TRIM2: variants seen among roughly 807,000 people sequenced by gnomAD.
The protein encoded by TRIM2 is tripartite motif containing 2.
Under a neutral mutation model 75.2 loss-of-function variants are expected in TRIM2, and 20 were observed. The ratio of observed to expected loss-of-function variants is 0.27; its 90% CI spans 0.19 to 0.39. The LOEUF is 0.39. TRIM2 is among the 10% of genes least tolerant of loss of function. The pLI is 1.00. For synonymous variants in TRIM2, 373 were observed against 388.3 expected, an observed-to-expected ratio of 0.96 and a Z score of 0.46; for missense variants, 660 against 990.8, an observed-to-expected ratio of 0.67 and a Z score of 4.48.
At chr4:153,238,946 C>T (rs1327803562) in intron 1 of TRIM2, among the ~76,000 whole-genome samples, 1 of 152,186 alleles carries the variant, frequency 6.6e-6, no homozygotes, top group East Asian at 1.9e-4. Context: ...CTTAACCCCA[C>T]TGTGACGGTA....
rs1646589199 is a variant in TRIM2 at position 153,338,978 on chromosome 4, T to G, written c.*4012T>G. On this transcript the variant is annotated 3_prime_UTR_variant, in exon 12 of 12. Transcript: ENST00000338700. Reference sequence around the variant, plus strand: ...GTTTTTTTTTTTTGCTTTGTTTTCTTTTTAGATTTTGTACATTCCATCTTT... The same window carrying G: ...GTTTTTTTTTTTTGCTTTGTTTTCTGTTTAGATTTTGTACATTCCATCTTT... 1 of 985,498 alleles carries G rather than the reference T, an allele frequency of 1.0e-6. No homozygotes were observed. The highest frequency in any genetic ancestry group is 1.7e-5 in the African/African-American group (1 of 57,210). The allele number at this position is 985,498 out of a possible 1,614,324, so 61.0% of individuals were successfully genotyped here. A position where few individuals can be genotyped will look rare whatever the true frequency, so the allele number is the denominator to read the frequency against.
At chr4:153,263,946 T>TG (rs1754263339) in intron 1 of TRIM2, among the ~76,000 whole-genome samples, 1 of 152,184 alleles carries the variant, frequency 6.6e-6, no homozygotes, top group South Asian at 2.1e-4. Flanking sequence ...CCTCACCTCC[T>TG]GATCCCATCA....
intron 11 of TRIM2, among the ~76,000 whole-genome samples, chr4:153,333,923 TC>T (rs1772040474): frequency 1.3e-5 from 2 of 152,272 alleles, no homozygotes; most frequent in South Asian, 4.1e-4. Context: ...GGTATCAGTC[TC>T]CTGGGATACC....
chr4:153,298,691 C>T (rs1402492151), intron 6 of TRIM2, among the ~76,000 whole-genome samples: 3 of 152,108 alleles, frequency 2.0e-5, no homozygotes, highest in Non-Finnish European at 4.4e-5. Context: ...ATAGAGAACA[C>T]TTACAATCCA....
At chr4:153,313,924 A>C (rs531787657) in intron 6 of TRIM2, among the ~76,000 whole-genome samples, 32 of 152,252 alleles carry the variant, frequency 2.1e-4, no homozygotes, top group South Asian at 1.5e-3. Flanking sequence ...GGCATGAGCC[A>C]CTGTTCCCGG....
intron 1 of TRIM2, among the ~76,000 whole-genome samples, chr4:153,247,164 A>G (rs890482735): frequency 4.6e-5 from 7 of 152,200 alleles, no homozygotes; most frequent in African/African-American, 1.7e-4. Flanking sequence ...TGACCAGCAC[A>G]AAAGTCCAGG....
At chr4:153,274,798 TTC>T (rs1188331278) in intron 2 of TRIM2, among the ~76,000 whole-genome samples, 2 of 152,188 alleles carry the variant, frequency 1.3e-5, no homozygotes, top group African/African-American at 4.8e-5. Flanking sequence ...TTAATGATAC[TTC>T]CCAGAAGTCT....
intron 1 of TRIM2, among the ~76,000 whole-genome samples, chr4:153,175,854 G>A (rs1290997941): frequency 2.0e-5 from 3 of 152,114 alleles, no homozygotes; most frequent in Non-Finnish European, 4.4e-5. Flanking sequence ...GGTTATGTGG[G>A]AACTCTTAGG....
At chr4:153,175,158 A>G (rs1731290165) in intron 1 of TRIM2, among the ~76,000 whole-genome samples, 1 of 152,178 alleles carries the variant, frequency 6.6e-6, no homozygotes, top group Admixed American at 6.5e-5. Context: ...CTGGAATTAC[A>G]GGCGTCTGCC....
chr4:153,160,863 C>G (rs1314520178), intron 1 of TRIM2, among the ~76,000 whole-genome samples: 2 of 152,172 alleles, frequency 1.3e-5, no homozygotes, highest in East Asian at 3.8e-4. Flanking sequence ...CCTGCTTTAG[C>G]CTCCCGAAGT....
At chr4:153,196,271 C>T (rs193134563) in intron 1 of TRIM2, among the ~76,000 whole-genome samples, 1 of 147,698 alleles carries the variant, frequency 6.8e-6, no homozygotes, top group African/African-American at 2.6e-5. Flanking sequence ...CCACCCCCCC[C>T]CACACACACA....
At chr4:153,332,959 T>C (rs554316478) in intron 11 of TRIM2, among the ~76,000 whole-genome samples, 2 of 152,348 alleles carry the variant, frequency 1.3e-5, no homozygotes, top group South Asian at 2.1e-4. Flanking sequence ...CCATAAATTA[T>C]ACTCCTGGCT....
rs368059768 is a variant in TRIM2, at chr4:153,263,611, G to C, written c.31-6724G>C. Among the ~76,000 whole-genome samples the C allele has an allele frequency of 1.5e-4, 23 of 152,290 alleles. 1 individual carries two copies. The South Asian group carries it at 4.6e-3, about 30-fold the overall frequency. On this transcript the variant is annotated intron_variant, in intron 1 of 11. Transcript: ENST00000338700. ...GCCCTTGTAGGCCTTACATTCTAGG[G>C]GGAGGGCGGAGACAATATCCAAAAT...
In TRIM2 at chr4:153,336,398, G is replaced by A. The variant is rs1446452118; in HGVS notation, c.*1432G>A. 11 of 983,850 alleles carry A rather than the reference G, an allele frequency of 1.1e-5. No individual in the cohort carries two copies. Among genetic ancestry groups the A allele is most frequent in the Non-Finnish European group, 1.3e-5 (11 of 829,178 alleles). 60.9% of individuals were successfully genotyped at this position (983,850 alleles called of 1,614,324 possible). ...CACACACACATAAAAAACCCAACAG[G>A]TCAAAATAAAAGTTGAACTTGAGTT... is the stretch of plus-strand genomic sequence containing the variant. On this transcript the variant is annotated 3_prime_UTR_variant, in exon 12 of 12. Coordinates refer to ENST00000338700, the MANE Select transcript of TRIM2 (RefSeq NM_015271.5).
intron 1 of TRIM2, among the ~76,000 whole-genome samples, chr4:153,173,626 G>T (rs1248057239): frequency 6.6e-6 from 1 of 150,474 alleles, no homozygotes; most frequent in Non-Finnish European, 1.5e-5. Context: ...TCGCGCCATT[G>T]CACTCCAGCC....
rs1419179109 is a variant in TRIM2 at position 153,295,106 on chromosome 4, G to C, written c.787-207G>C. ...GAAATACATGTGTGGAAGAGAGGGC[G>C]AGGCGGAAGGGAAACCTCGAAAAGG... On this transcript the variant is annotated intron_variant, in intron 5 of 11. Transcript: ENST00000338700. The surrounding 1 kb of genome is among the most constrained non-coding windows in gnomAD (Gnocchi z 7.2). Among the ~76,000 whole-genome samples the C allele has an allele frequency of 1.3e-5, 2 of 152,246 alleles. No individual in the cohort carries two copies. Among genetic ancestry groups the C allele is most frequent in the South Asian group, 2.1e-4 (1 of 4,832 alleles).
chr4:153,338,335 CTA>C lies in TRIM2; in HGVS notation c.*3372_*3373del, dbSNP rs1772695045. The C allele has an allele frequency of 1.0e-6, 1 of 985,594 alleles. No homozygotes were observed. The highest frequency in any genetic ancestry group is 1.2e-6 in the Non-Finnish European group (1 of 829,910). 61.1% of individuals were successfully genotyped at this position (985,594 alleles called of 1,614,324 possible). A position where few individuals can be genotyped will look rare whatever the true frequency, so the allele number is the denominator to read the frequency against. On this transcript the variant is annotated 3_prime_UTR_variant, in exon 12 of 12. Coordinates refer to ENST00000338700, the MANE Select transcript of TRIM2 (RefSeq NM_015271.5). ...AATGGGAAAAATCTTTTTGTAGACT[CTA>C]TAGTACCCTCTCTATTCACTAGCTT...
rs573011406 is a variant in TRIM2 at position 153,189,500 on chromosome 4, G to C, written c.-49+36230G>C. Among the ~76,000 whole-genome samples the C allele has an allele frequency of 2.6e-5, 4 of 152,324 alleles. No homozygotes were observed. The South Asian group carries it at 8.3e-4, about 32-fold the overall frequency. ...CGCATCTGGATCACGGTGTGTACTT[G>C]TCTGTGATGTGGCTGTGAGGCACTA... is the stretch of plus-strand genomic sequence containing the variant. On this transcript the variant is annotated intron_variant, in intron 1 of 11. Transcript: ENST00000437508.
At chr4:153,165,189 T>A (rs1168216281) in intron 1 of TRIM2, among the ~76,000 whole-genome samples, 1 of 152,214 alleles carries the variant, frequency 6.6e-6, no homozygotes, top group East Asian at 1.9e-4. Context: ...TTGTAATTCT[T>A]CTACATTAGA....
Sources: gnomAD v4.1 joint callset for allele counts (sites outside exome capture counted in the v4.1 genomes callset) on GRCh38, gnomAD v4.1.1 for gene constraint, Gnocchi (gnomAD v3.1) non-coding constraint, MANE v1.5 for transcripts, NCBI Gene and HGNC (gene_info 2026-07-23, HGNC 2026-07-21) for gene names.